Variants in RNF10 observed in about 807,000 individuals in gnomAD.
RNF10 encodes the protein ring finger protein 10.
Under a neutral mutation model 91.4 loss-of-function variants are expected in RNF10, and 38 were observed. The ratio of observed to expected loss-of-function variants is 0.42; its 90% CI spans 0.32 to 0.54. The LOEUF is 0.54. Ranked by LOEUF, RNF10 falls within the 20% of genes least tolerant of loss-of-function variation. The probability of loss-of-function intolerance (pLI) is 0.16; values close to 1 mark genes in which losing one functional copy is unlikely to be tolerated. For missense variants in RNF10, 945 were observed against 1,012.0 expected (o/e 0.93, Z 0.90); for synonymous variants, 364 against 366.3 (o/e 0.99, Z 0.07).
At chr12:120,547,921 G>A (rs537018663) in intron 2 of RNF10, among the ~76,000 whole-genome samples, 33 of 152,318 alleles carry the variant, frequency 2.2e-4, no homozygotes, top group African/African-American at 7.2e-4. Context: ...AGTGATGGAA[G>A]CTTTGAAAGA....
intron 1 of RNF10, among the ~76,000 whole-genome samples, chr12:120,541,076 C>T (rs969408613): frequency 6.6e-6 from 1 of 152,096 alleles, no homozygotes; most frequent in African/African-American, 2.4e-5. Flanking sequence ...AGGCTGGTCT[C>T]GAACTCCCGA....
At chr12:120,541,811 T>G (rs1871617614) in intron 1 of RNF10, among the ~76,000 whole-genome samples, 1 of 151,772 alleles carries the variant, frequency 6.6e-6, no homozygotes, top group Non-Finnish European at 1.5e-5. Flanking sequence ...GACTGAAACC[T>G]TGAACTCCTT....
Position 120,575,697 on chromosome 12 carries a change from G to T in RNF10, c.2200+9G>T. The T allele has an allele frequency of 6.2e-7, 1 of 1,614,168 alleles. No individual in the cohort carries two copies. The highest frequency in any genetic ancestry group is 8.5e-7 in the Non-Finnish European group (1 of 1,180,020). ...AACTGCTCCAAAGAAAGGTGAGGAT[G>T]GTCCACTGGTGAAGGGGGAGTTTGG... On this transcript the variant is annotated intron_variant, in intron 15 of 16. Coordinates refer to ENST00000325954, the MANE Select transcript of RNF10 (RefSeq NM_014868.5).
rs1210914041 is a variant in RNF10 at position 120,565,413 on chromosome 12, C to T, written c.1784-15C>T. On this transcript the variant is annotated splice_polypyrimidine_tract_variant and intron_variant, in intron 11 of 16. Coordinates refer to ENST00000325954, the MANE Select transcript of RNF10 (RefSeq NM_014868.5). ...TGTCCTGGGTCTACCTCTTTACAAC[C>T]TGACCAATCTGCAGATGACATTGAG... 5 of 1,612,854 alleles carry T rather than the reference C, an allele frequency of 3.1e-6. No individual in the cohort carries two copies. Among genetic ancestry groups the T allele is most frequent in the Non-Finnish European group, 4.2e-6 (5 of 1,179,110 alleles).
chr12:120,564,466 CA>C (rs1263961210), intron 10 of RNF10, among the ~76,000 whole-genome samples: 1 of 151,196 alleles, frequency 6.6e-6, no homozygotes. Flanking sequence ...ACAAAAAATA[CA>C]AAAAAAAATT....
intron 6 of RNF10, among the ~76,000 whole-genome samples, chr12:120,558,618 G>C (rs1874370300): frequency 6.6e-6 from 1 of 151,464 alleles, no homozygotes; most frequent in Admixed American, 6.6e-5. Context: ...ACCCAGGCTG[G>C]AGTGCAGTGG....
chr12:120,556,859 G>A (rs977196271), intron 4 of RNF10, among the ~76,000 whole-genome samples: 1 of 151,820 alleles, frequency 6.6e-6, no homozygotes, highest in African/African-American at 2.4e-5. Flanking sequence ...TGCTTAAAGA[G>A]CTATCATACA....
At position 120,562,942 on chromosome 12, in the gene RNF10, T is replaced by G. The variant is rs948408543; in HGVS notation, c.1129-3T>G. 1 of 1,613,836 alleles carries G rather than the reference T, an allele frequency of 6.2e-7. No individual in the cohort carries two copies. Among genetic ancestry groups the G allele is most frequent in the African/African-American group, 1.3e-5 (1 of 74,920 alleles). On this transcript the variant is annotated splice_region_variant and splice_polypyrimidine_tract_variant and intron_variant, in intron 7 of 16. Coordinates refer to ENST00000325954, the MANE Select transcript of RNF10 (RefSeq NM_014868.5). ...TCTCTGGTGTTCTCTCTGGCCACGTTAGACTCGGGAAGAGGCTCTGTCGGG... is the reference window on the plus strand; with the variant it reads ...TCTCTGGTGTTCTCTCTGGCCACGTGAGACTCGGGAAGAGGCTCTGTCGGG...
chr12:120,574,950 G>C (rs1292285843), intron 14 of RNF10: 1 of 191,278 alleles, frequency 5.2e-6, no homozygotes, highest in Non-Finnish European at 1.1e-5. Context: ...AAAAACTGGA[G>C]GGTACTAGGC....
intron 14 of RNF10, 128 bp from the exon 15 acceptor site, chr12:120,575,503 A>G: frequency 1.0e-6 from 1 of 966,584 alleles, no homozygotes; most frequent in Admixed American, 1.9e-5. Context: ...TAAGGAGAGA[A>G]GTACCTGGAA....
chr12:120,559,379 CT>C (rs1306475766), intron 6 of RNF10, among the ~76,000 whole-genome samples: 9 of 150,690 alleles, frequency 6.0e-5, no homozygotes, highest in Non-Finnish European at 1.3e-4. Context: ...GTGTGTTGTG[CT>C]TTTTTTGTTT....
intron 3 of RNF10, 73 bp downstream of exon 3, chr12:120,552,771 C>CT: frequency 3.0e-6 from 4 of 1,345,814 alleles, no homozygotes; most frequent in Non-Finnish European, 4.1e-6. Context: ...CTGTGAGAGG[C>CT]TTTTTTTAAG....
chr12:120,565,379 T>A (rs1156425854), intron 11 of RNF10, 49 bp from the exon 12 acceptor site: 1 of 1,548,286 alleles, frequency 6.5e-7, no homozygotes, highest in Non-Finnish European at 8.9e-7. Context: ...GAGGAGGTAA[T>A]GACCATGTTG....
rs532892630 is a variant in RNF10 at position 120,555,985 on chromosome 12, C to T, written c.645+1177C>T. The stretch of plus-strand genomic sequence containing the variant: ...TGTATTTTCATTAGAGACGGGGTTC[C>T]ACCGTGTTGTCCAGGCTTGTCTCAA... On this transcript the variant is annotated intron_variant, in intron 4 of 16. Transcript: ENST00000325954. Among the ~76,000 whole-genome samples, 44 of 151,772 alleles carry T rather than the reference C, an allele frequency of 2.9e-4. 2 individuals are homozygous for T. In the East Asian group the frequency reaches 6.9e-3, roughly 24 times the overall value.
In RNF10 at chr12:120,576,825, T is replaced by G. The variant is rs929913963; in HGVS notation, c.*159T>G. ...CAATGTGAGGGGGAACCAAGAAAAT[T>G]TTAAATACAGTGTATTTTCCAGCTT... On this transcript the variant is annotated 3_prime_UTR_variant, in exon 17 of 17. Transcript: ENST00000325954. The G allele has an allele frequency of 3.4e-5, 31 of 898,970 alleles. No homozygotes were observed. In the Admixed American group the frequency reaches 7.9e-4, roughly 23 times the overall value. 55.7% of individuals were successfully genotyped at this position (898,970 alleles called of 1,614,324 possible).
At position 120,576,835 on chromosome 12, in the gene RNF10, G is replaced by A; in HGVS notation, c.*169G>A. On this transcript the variant is annotated 3_prime_UTR_variant, in exon 17 of 17. Coordinates refer to ENST00000325954, the MANE Select transcript of RNF10 (RefSeq NM_014868.5). ...GGGAACCAAGAAAATTTTAAATACAGTGTATTTTCCAGCTTCCTGTCTTTA... is the reference window on the plus strand; with the variant it reads ...GGGAACCAAGAAAATTTTAAATACAATGTATTTTCCAGCTTCCTGTCTTTA... 1 of 808,898 alleles carries A rather than the reference G, an allele frequency of 1.2e-6. No individual in the cohort carries two copies. The highest frequency in any genetic ancestry group is 1.9e-6 in the Non-Finnish European group (1 of 525,732). The allele number at this position is 808,898 out of a possible 1,614,324, so 50.1% of individuals were successfully genotyped here.
chr12:120,559,342 C>T (rs924956910), intron 6 of RNF10, among the ~76,000 whole-genome samples: 30 of 151,174 alleles, frequency 2.0e-4, no homozygotes, highest in African/African-American at 6.3e-4. Context: ...CCACCACGCC[C>T]GGCTAATTTT....
At chr12:120,553,165 C>T (rs1026641980) in intron 3 of RNF10, among the ~76,000 whole-genome samples, 1 of 139,186 alleles carries the variant, frequency 7.2e-6, no homozygotes, top group Admixed American at 7.8e-5. Context: ...CTCACTGCAA[C>T]CTCTGCCTCC....
At chr12:120,554,857 A>G in intron 4 of RNF10, 49 bp downstream of exon 4, 2 of 1,434,110 alleles carry the variant, frequency 1.4e-6, no homozygotes, top group Non-Finnish European at 2.0e-6. Flanking sequence ...GCACTAAATA[A>G]AGGCACTGTG....
Sources: gnomAD v4.1 joint callset for allele counts (sites outside exome capture counted in the v4.1 genomes callset) on GRCh38, gnomAD v4.1.1 for gene constraint, MANE v1.5 for transcripts, NCBI Gene and HGNC (gene_info 2026-07-23, HGNC 2026-07-21) for gene names.